RBSN: variants seen among roughly 807,000 people sequenced by gnomAD.
RBSN encodes the protein rabenosyn-5.
Under a neutral mutation model 60.5 loss-of-function variants are expected in RBSN, and 34 were observed. That is an observed-to-expected ratio of 0.56 (90% CI 0.43 to 0.75). The LOEUF (loss-of-function observed/expected upper bound fraction) is 0.75. Among genes scored for constraint, RBSN ranks in the 30% least tolerant of loss-of-function variants. RBSN has a pLI of 0.00. For synonymous variants in RBSN, 322 were observed against 366.9 expected, an observed-to-expected ratio of 0.88 and a Z score of 1.40; for missense variants, 845 against 986.8, an observed-to-expected ratio of 0.86 and a Z score of 1.92.
At chr3:15,097,636 C>T (rs190235296) in intron 2 of RBSN, among the ~76,000 whole-genome samples, 248 of 152,232 alleles carry the variant, frequency 1.6e-3, no homozygotes, top group Admixed American at 4.6e-3. Flanking sequence ...CCAATGTCAC[C>T]TCATCAAGAC....
In RBSN at chr3:15,082,706, G is replaced by C; in HGVS notation, c.599-98C>G. ...TCAGTCCACAGGTGTTTGATTTGGA[G>C]AGTAATAAGATCAGGCTCCAGCTGT... On this transcript the variant is annotated intron_variant, in intron 8 of 13. Coordinates refer to ENST00000253699, the MANE Select transcript of RBSN (RefSeq NM_022340.4). The surrounding 1 kb of genome is among the most constrained non-coding windows in gnomAD (Gnocchi z 4.2). 6.7e-7 allele frequency: 1 copy of C among 1,492,208 alleles called. No homozygotes were observed. The allele number at this position is 1,492,208 out of a possible 1,614,324, so 92.4% of individuals were successfully genotyped here. A position where few individuals can be genotyped will look rare whatever the true frequency, so the allele number is the denominator to read the frequency against.
In RBSN at chr3:15,084,967, A is replaced by G. The variant is rs763430066; in HGVS notation, c.436+33T>C. 1 of 1,614,136 alleles carries G rather than the reference A, an allele frequency of 6.2e-7. No individual in the cohort carries two copies. The highest frequency in any genetic ancestry group is 8.5e-7 in the Non-Finnish European group (1 of 1,179,992). On this transcript the variant is annotated intron_variant, in intron 7 of 13. Coordinates refer to ENST00000253699, the MANE Select transcript of RBSN (RefSeq NM_022340.4). This position sits in a 1 kb window ranked among gnomAD's most constrained non-coding sequence, Gnocchi z 4.2. Reference sequence around the variant, plus strand: ...AGCTTTGGTCAGGGAAAAAAAGATAATAAGATGAATGTGAGCAAAGTTTTA... The same window carrying G: ...AGCTTTGGTCAGGGAAAAAAAGATAGTAAGATGAATGTGAGCAAAGTTTTA...
rs1444620821 is a variant in RBSN, at chr3:15,074,870, C to T, written c.1267G>A (p.Ala423Thr). Residue 423 changes from alanine to threonine, a missense_variant, in exon 14 of 14, where the codon GCC becomes ACC. Ala to Thr is a moderately conservative substitution (Grantham distance 58). Transcript: ENST00000253699. This position sits in a 1 kb window ranked among gnomAD's most constrained non-coding sequence, Gnocchi z 6.4. ...CGGAGAGATGCCACCTCCCCGTTGG[C>T]CGCTCGAGAAGCCAGGCCACTCTGC... Reference protein sequence around the residue: ...ERQSGLASRAANGEVASLRRG... With the variant: ...ERQSGLASRATNGEVASLRRG... 1 of 1,614,024 alleles carries T rather than the reference C, an allele frequency of 6.2e-7. No individual in the cohort carries two copies. Among genetic ancestry groups the T allele is most frequent in the Admixed American group, 1.7e-5 (1 of 60,034 alleles).
In RBSN at chr3:15,073,947, A is replaced by G; in HGVS notation, c.2190T>C (p.Ala730=). The G allele has an allele frequency of 6.2e-7, 1 of 1,614,116 alleles. No individual in the cohort carries two copies. Among genetic ancestry groups the G allele is most frequent in the Non-Finnish European group, 8.5e-7 (1 of 1,180,008 alleles). ...FEMDSDSGPE[A]EEPIEEELLL... is the part of the protein sequence containing the mutation. The stretch of plus-strand genomic sequence containing the variant: ...GGAGCTCTTCCTCTATGGGCTCCTC[A>G]GCCTCTGGCCCACTGTCACTGTCCA... The change falls in exon 14 of 14, where the codon GCT becomes GCC. Residue 730 remains alanine (A), a synonymous_variant. Coordinates refer to ENST00000253699, the MANE Select transcript of RBSN (RefSeq NM_022340.4).
chr3:15,089,354 C>G (rs1042655430), intron 5 of RBSN, among the ~76,000 whole-genome samples: 6 of 135,286 alleles, frequency 4.4e-5, no homozygotes, highest in African/African-American at 1.6e-4. Flanking sequence ...GTAGTCTTAG[C>G]TACTGAGGAG....
chr3:15,087,696 C>G (rs1414040464), intron 5 of RBSN, among the ~76,000 whole-genome samples: 1 of 152,174 alleles, frequency 6.6e-6, no homozygotes, highest in African/African-American at 2.4e-5. Context: ...TCCAGGCTCA[C>G]TGCAATCTCC....
At position 15,084,739 on chromosome 3, in the gene RBSN, C is replaced by T; in HGVS notation, c.594G>A (p.Leu198=). 6.3e-7 allele frequency: 1 copy of T among 1,587,340 alleles called. No individual in the cohort carries two copies. Among genetic ancestry groups the T allele is most frequent in the East Asian group, 2.2e-5 (1 of 44,590 alleles). Residue 198 remains leucine (L), a synonymous_variant, in exon 8 of 14, where the codon TTG becomes TTA. Transcript: ENST00000253699. This position sits in a 1 kb window ranked among gnomAD's most constrained non-coding sequence, Gnocchi z 4.2. ...CCCCACCTCCAAGTCACCTACTTGC[C>T]AAGGGAAGGCTGATGAGCTCCATAC... is the stretch of plus-strand genomic sequence containing the variant. ...KKCMELISLP[L]ANKLTSASKE...
chr3:15,071,890 T>C lies in RBSN; in HGVS notation c.*1892A>G, dbSNP rs2042934539. ...AGTTCAGATGAGTAACTGCAGAAAC[T>C]CTACCCAGAGCTGAGCACATATGGC... On this transcript the variant is annotated 3_prime_UTR_variant, in exon 14 of 14. Transcript: ENST00000253699. 6.6e-6 allele frequency: 1 copy of C among 152,642 alleles called. No homozygotes were observed. Among genetic ancestry groups the C allele is most frequent in the South Asian group, 2.1e-4 (1 of 4,828 alleles). 9.5% of individuals were successfully genotyped at this position (152,642 alleles called of 1,614,324 possible). A position where few individuals can be genotyped will look rare whatever the true frequency, so the allele number is the denominator to read the frequency against.
At chr3:15,088,868 T>A (rs981014200) in intron 5 of RBSN, among the ~76,000 whole-genome samples, 1 of 152,218 alleles carries the variant, frequency 6.6e-6, no homozygotes. Flanking sequence ...GACTGGTGGC[T>A]ACTGAATGGA....
At position 15,071,380 on chromosome 3, in the gene RBSN, A is replaced by G. The variant is rs1019095744; in HGVS notation, c.*2402T>C. 1 of 152,224 alleles carries G rather than the reference A, an allele frequency of 6.6e-6. No homozygotes were observed. Among genetic ancestry groups the G allele is most frequent in the African/African-American group, 2.4e-5 (1 of 41,450 alleles). 9.4% of individuals were successfully genotyped at this position (152,224 alleles called of 1,614,324 possible). On this transcript the variant is annotated 3_prime_UTR_variant, in exon 14 of 14. Transcript: ENST00000253699. ...AGAAATGAGACCCTAAGCAGGGAGG[A>G]GCCTACTGGCCATCTGAGAAACCCT...
At chr3:15,094,038 A>G (rs1361461660) in intron 4 of RBSN, among the ~76,000 whole-genome samples, 1 of 152,172 alleles carries the variant, frequency 6.6e-6, no homozygotes, top group Non-Finnish European at 1.5e-5. Context: ...ACAAGGCACA[A>G]AATTTCTATT....
chr3:15,079,734 C>A (rs765160037), intron 10 of RBSN, among the ~76,000 whole-genome samples: 14 of 152,102 alleles, frequency 9.2e-5, no homozygotes, highest in Non-Finnish European at 1.3e-4. Context: ...GCAGACAAAT[C>A]CATAGAGACA....
In RBSN at chr3:15,073,786, TC is replaced by T. The variant is rs751932987; in HGVS notation, c.2350del (p.Asp784ThrfsTer42). Reference protein sequence around the residue: ...HTLAKQKGGTD With the variant: ...HTLAKQKGGTX ...AGGTGCCCTCTCCACTGCTGGTCAG[TC>T]AGTGCCCCCCTTCTGCTTGGCCAGG... On this transcript the variant is annotated frameshift_variant, in exon 14 of 14. Transcript: ENST00000253699. LOFTEE classifies it high-confidence loss of function. The T allele has an allele frequency of 3.1e-5, 50 of 1,598,796 alleles. No homozygotes were observed. The South Asian group carries it at 5.7e-4, about 18-fold the overall frequency.
At chr3:15,078,339 G>A (rs1281680135) in intron 10 of RBSN, among the ~76,000 whole-genome samples, 178 bp from the exon 11 acceptor site, 1 of 152,202 alleles carries the variant, frequency 6.6e-6, no homozygotes, top group Non-Finnish European at 1.5e-5. Flanking sequence ...TCAAGTGGAA[G>A]TGATGTTTCG....
intron 5 of RBSN, among the ~76,000 whole-genome samples, chr3:15,088,950 G>A (rs992146752): frequency 1.3e-5 from 2 of 152,146 alleles, no homozygotes; most frequent in African/African-American, 2.4e-5. Context: ...TACAGTAGAT[G>A]AGCCTGGGTA....
chr3:15,082,255 T>C lies in RBSN; in HGVS notation c.840+112A>G, dbSNP rs1034688301. 29 of 1,420,504 alleles carry C rather than the reference T, an allele frequency of 2.0e-5. No homozygotes were observed. The African/African-American group carries it at 3.8e-4, about 19-fold the overall frequency. 88.0% of individuals were successfully genotyped at this position (1,420,504 alleles called of 1,614,324 possible). On this transcript the variant is annotated intron_variant, in intron 9 of 13. Transcript: ENST00000253699. The surrounding 1 kb of genome is among the most constrained non-coding windows in gnomAD (Gnocchi z 4.2). ...ATGGGCCTTTAACAGGAACTACAAA[T>C]AATTCAAACGAACAACTTCCCAAAG...
Position 15,071,323 on chromosome 3 carries a change from A to G in RBSN, c.*2459T>C, listed in dbSNP as rs2042921716. 1 of 152,236 alleles carries G rather than the reference A, an allele frequency of 6.6e-6. No individual in the cohort carries two copies. The highest frequency in any genetic ancestry group is 1.5e-5 in the Non-Finnish European group (1 of 68,036). The allele number at this position is 152,236 out of a possible 1,614,324, so 9.4% of individuals were successfully genotyped here. A position where few individuals can be genotyped will look rare whatever the true frequency, so the allele number is the denominator to read the frequency against. On this transcript the variant is annotated 3_prime_UTR_variant, in exon 14 of 14. Transcript: ENST00000253699. ...TGGAAAGCAGCAATTAGCTTCTGGA[A>G]CTACCTGCTTTTCAGTTCATCCTCT... is the stretch of plus-strand genomic sequence containing the variant.
chr3:15,090,637 C>T (rs377539724), intron 4 of RBSN, 98 bp from the exon 5 acceptor site: 103 of 1,499,574 alleles, frequency 6.9e-5, no homozygotes, highest in South Asian at 1.1e-4. Flanking sequence ...AAATAATTAT[C>T]GTTTGTTTAA....
At chr3:15,090,982 G>A (rs1243657024) in intron 4 of RBSN, among the ~76,000 whole-genome samples, 1 of 151,892 alleles carries the variant, frequency 6.6e-6, no homozygotes, top group Non-Finnish European at 1.5e-5. Flanking sequence ...CCACAAGGGA[G>A]GCAAATTGCT....
Sources: gnomAD v4.1 joint callset for allele counts (sites outside exome capture counted in the v4.1 genomes callset) on GRCh38, gnomAD v4.1.1 for gene constraint, Gnocchi (gnomAD v3.1) non-coding constraint, MANE v1.5 for transcripts, NCBI Gene and HGNC (gene_info 2026-07-23, HGNC 2026-07-21) for gene names.